Variants in ERLIN1 observed in about 807,000 individuals in gnomAD.
The protein encoded by ERLIN1 is ER lipid raft associated 1.
In ERLIN1, 24 loss-of-function variants were observed where a neutral mutation model predicts 46.9. The observed-to-expected ratio is 0.51, with a 90% CI of 0.37 to 0.72. ERLIN1 has a LOEUF of 0.72. Ranked by LOEUF, ERLIN1 falls within the 30% of genes least tolerant of loss-of-function variation. ERLIN1 has a pLI of 0.00. For missense variants in ERLIN1, 293 were observed against 417.9 expected (o/e 0.70, Z 2.61); for synonymous variants, 158 against 143.2 (o/e 1.10, Z -0.74).
Position 100,156,450 on chromosome 10 carries a change from T to C in ERLIN1, c.656-216A>G, listed in dbSNP as rs1589513585. ...TTCTATTTTGACAGTGCTAGTTTTG[T>C]GGGAAGAAGGAGTAAAAAAAGGTTA... On this transcript the variant is annotated intron_variant, in intron 8 of 10. Coordinates refer to ENST00000421367, the MANE Select transcript of ERLIN1 (RefSeq NM_006459.4). 7.9e-5 allele frequency among the ~76,000 whole-genome samples: 12 copies of C among 152,208 alleles called. No individual in the cohort carries two copies. In the South Asian group the frequency reaches 2.3e-3, roughly 29 times the overall value.
At chr10:100,178,937 G>A (rs1421120410) in intron 3 of ERLIN1, among the ~76,000 whole-genome samples, 2 of 152,024 alleles carry the variant, frequency 1.3e-5, no homozygotes, top group African/African-American at 4.8e-5. Flanking sequence ...AGTCAATAAA[G>A]CAGATGCAGC....
Position 100,185,985 on chromosome 10 carries a change from C to T in ERLIN1, c.-359G>A, listed in dbSNP as rs1169026463. ...ACCGATCAGTGACGCATCGCCCCCGCCCGCACGTGCAGCCGACTCCCGCGC... is the reference window on the plus strand; with the variant it reads ...ACCGATCAGTGACGCATCGCCCCCGTCCGCACGTGCAGCCGACTCCCGCGC... On this transcript the variant is annotated 5_prime_UTR_variant, in exon 1 of 11. Transcript: ENST00000421367. 2 of 432,590 alleles carry T rather than the reference C, an allele frequency of 4.6e-6. No individual in the cohort carries two copies. Among genetic ancestry groups the T allele is most frequent in the Non-Finnish European group, 8.1e-6 (2 of 246,812 alleles). The allele number at this position is 432,590 out of a possible 1,614,324, so 26.8% of individuals were successfully genotyped here.
At chr10:100,154,078 A>G (rs1277940925) in intron 10 of ERLIN1, among the ~76,000 whole-genome samples, 2 of 152,146 alleles carry the variant, frequency 1.3e-5, no homozygotes, top group Non-Finnish European at 2.9e-5. Context: ...TCTCTTTCTC[A>G]ACCCTTTATC....
intron 8 of ERLIN1, among the ~76,000 whole-genome samples, chr10:100,162,214 T>C (rs1311640029): frequency 1.3e-5 from 2 of 152,016 alleles, no homozygotes; most frequent in East Asian, 3.8e-4. Context: ...AGCAATCAAA[T>C]AATGGGCTAA....
intron 2 of ERLIN1, 93 bp from the exon 3 acceptor site, chr10:100,179,340 G>T: frequency 1.2e-6 from 1 of 807,326 alleles, no homozygotes; most frequent in Non-Finnish European, 2.1e-6. Context: ...GCTGCTGACA[G>T]TAAGTACAGC....
intron 5 of ERLIN1, among the ~76,000 whole-genome samples, chr10:100,175,057 A>C (rs2134160866): frequency 6.6e-6 from 1 of 152,298 alleles, no homozygotes; most frequent in Middle Eastern, 3.4e-3. Context: ...ATTCACTAAA[A>C]ATTTCAGGAG....
chr10:100,185,464 T>C, intron 1 of ERLIN1, 50 bp downstream of exon 1: 1 of 1,377,470 alleles, frequency 7.3e-7, no homozygotes, highest in Non-Finnish European at 1.0e-6. Flanking sequence ...CACTCTGGAG[T>C]ACCCTTTTAA....
chr10:100,177,375 G>A (rs115015115), intron 4 of ERLIN1, among the ~76,000 whole-genome samples: 1,534 of 152,160 alleles, frequency 0.01, 20 homozygotes, highest in Middle Eastern at 0.041. Flanking sequence ...ACAGTAATAC[G>A]CCTGCTCTCT....
At chr10:100,181,513 C>CTT (rs34628060) in intron 2 of ERLIN1, among the ~76,000 whole-genome samples, 7,099 of 126,914 alleles carry the variant, frequency 0.056, 747 homozygotes, top group African/African-American at 0.18. Flanking sequence ...TAAGAACACT[C>CTT]TTTTTTTTTT....
Position 100,160,816 on chromosome 10 carries a change from G to A in ERLIN1, c.655+3188C>T, listed in dbSNP as rs534535275. On this transcript the variant is annotated intron_variant, in intron 8 of 10. Coordinates refer to ENST00000421367, the MANE Select transcript of ERLIN1 (RefSeq NM_006459.4). The stretch of plus-strand genomic sequence containing the variant: ...ACAAAAATTACCTGGGTGTGGTGGC[G>A]TGCACTTGTAGTCTCAGCTACTCGA... 5.3e-5 allele frequency among the ~76,000 whole-genome samples: 8 copies of A among 152,192 alleles called. No homozygotes were observed. The East Asian group carries it at 7.7e-4, about 15-fold the overall frequency.
chr10:100,172,274 G>A (rs1844045568), intron 6 of ERLIN1, among the ~76,000 whole-genome samples: 1 of 152,290 alleles, frequency 6.6e-6, no homozygotes, highest in Middle Eastern at 3.4e-3. Context: ...TGCTTTAGTT[G>A]AGCATGTATG....
intron 6 of ERLIN1, among the ~76,000 whole-genome samples, chr10:100,168,952 G>A (rs2134142240): frequency 6.6e-6 from 1 of 152,222 alleles, no homozygotes; most frequent in East Asian, 1.9e-4. Context: ...CCAAAGTGCT[G>A]GGATTACAGG....
At chr10:100,182,050 CAATT>C (rs1179579484) in intron 2 of ERLIN1, among the ~76,000 whole-genome samples, 3 of 151,970 alleles carry the variant, frequency 2.0e-5, no homozygotes, top group Admixed American at 6.5e-5. Context: ...TATATATACA[CAATT>C]AAACTCCAAA....
chr10:100,173,471 T>G (rs1413134807), intron 6 of ERLIN1, among the ~76,000 whole-genome samples: 1 of 152,136 alleles, frequency 6.6e-6, no homozygotes, highest in Admixed American at 6.5e-5. Flanking sequence ...CTTTTCCTAT[T>G]CTATTCCATT....
At chr10:100,161,901 T>C (rs779323849) in intron 8 of ERLIN1, among the ~76,000 whole-genome samples, 1 of 152,186 alleles carries the variant, frequency 6.6e-6, no homozygotes, top group Non-Finnish European at 1.5e-5. Flanking sequence ...CCCTATGTCA[T>C]ACTCAACACC....
intron 4 of ERLIN1, among the ~76,000 whole-genome samples, chr10:100,177,080 C>T (rs1844354744): frequency 6.6e-6 from 1 of 152,102 alleles, no homozygotes; most frequent in Admixed American, 6.5e-5. Context: ...TGAGATCATG[C>T]CACTGCACTC....
chr10:100,155,669 C>T (rs980138355), intron 9 of ERLIN1, among the ~76,000 whole-genome samples: 2 of 152,026 alleles, frequency 1.3e-5, no homozygotes, highest in Admixed American at 6.5e-5. Flanking sequence ...CGCCCGCCAC[C>T]ACGCCCGGCT....
At position 100,183,904 on chromosome 10, in the gene ERLIN1, C is replaced by T. The variant is rs1844808395; in HGVS notation, c.114-67G>A. 4 of 1,171,174 alleles carry T rather than the reference C, an allele frequency of 3.4e-6. No individual in the cohort carries two copies. In the South Asian group the frequency reaches 3.8e-5, roughly 11 times the overall value. 72.5% of individuals were successfully genotyped at this position (1,171,174 alleles called of 1,614,324 possible). On this transcript the variant is annotated intron_variant, in intron 1 of 10. Transcript: ENST00000421367. ...AAATTATCTTTCCAAATCTAAAATGCTATAATAAATACTCACTCTTGCTCA... is the reference window on the plus strand; with the variant it reads ...AAATTATCTTTCCAAATCTAAAATGTTATAATAAATACTCACTCTTGCTCA...
chr10:100,159,442 C>T (rs1017795937), intron 8 of ERLIN1, among the ~76,000 whole-genome samples: 1 of 152,054 alleles, frequency 6.6e-6, no homozygotes, highest in Non-Finnish European at 1.5e-5. Flanking sequence ...ATAAAGAAAC[C>T]TGCATCCAAC....
Sources: gnomAD v4.1 joint callset for allele counts (sites outside exome capture counted in the v4.1 genomes callset) on GRCh38, gnomAD v4.1.1 for gene constraint, MANE v1.5 for transcripts, NCBI Gene and HGNC (gene_info 2026-07-23, HGNC 2026-07-21) for gene names.